CALU: variants seen among roughly 807,000 people sequenced by gnomAD.
CALU encodes IEF SSP 9302.
A neutral mutation model predicts 37.5 loss-of-function variants in CALU; 13 were observed. That is an observed-to-expected ratio of 0.35 (90% CI 0.23 to 0.55). The LOEUF (loss-of-function observed/expected upper bound fraction) is 0.55. Ranked by LOEUF, CALU falls within the 20% of genes least tolerant of loss-of-function variation. The pLI is 0.89. For missense variants in CALU, 282 were observed against 391.7 expected, an observed-to-expected ratio of 0.72 and a Z score of 2.36; for synonymous variants, 114 against 133.8, an observed-to-expected ratio of 0.85 and a Z score of 1.02.
chr7:128,761,764 C>A (rs541539635), intron 5 of CALU, among the ~76,000 whole-genome samples: 6 of 152,082 alleles, frequency 3.9e-5, no homozygotes, highest in Non-Finnish European at 7.4e-5. Context: ...CAGATAAGCC[C>A]GTTTGTTTTT....
Position 128,748,659 on chromosome 7 carries a change from G to A in CALU, c.76G>A (p.Asp26Asn), listed in dbSNP as rs1238329939. Reference protein sequence around the residue: ...FALSKPTEKKDRVHHEPQLSD... With the variant: ...FALSKPTEKKNRVHHEPQLSD... ...CTTGAGCAAACCCACAGAAAAGAAG[G>A]ACCGTGTACATCATGAGCCTCAGCT... Residue 26 changes from aspartate to asparagine, a missense_variant, in exon 2 of 7, where the codon GAC becomes AAC. Coordinates refer to ENST00000249364, the MANE Select transcript of CALU (RefSeq NM_001219.5). The A allele has an allele frequency of 6.2e-7, 1 of 1,614,166 alleles. No homozygotes were observed. The highest frequency in any genetic ancestry group is 1.7e-5 in the Admixed American group (1 of 60,026).
rs546464170 is a variant in CALU, at chr7:128,755,325, A to T, written c.415+870A>T. Among the ~76,000 whole-genome samples the T allele has an allele frequency of 4.3e-3, 639 of 150,310 alleles. 10 individuals are homozygous for T. Among genetic ancestry groups the T allele is most frequent in the Non-Finnish European group, 5.7e-3 (384 of 67,374 alleles). On this transcript the variant is annotated intron_variant, in intron 3 of 6. Coordinates refer to ENST00000249364, the MANE Select transcript of CALU (RefSeq NM_001219.5). ...AGCTCTGTCCAAAAAAAAAAAAAAA[A>T]AAAAAAAAGAGGCTATGAGGCTACA...
At chr7:128,762,513 C>G (rs1801160023) in intron 5 of CALU, among the ~76,000 whole-genome samples, 1 of 150,246 alleles carries the variant, frequency 6.7e-6, no homozygotes. Flanking sequence ...AAACAAAGTT[C>G]TTCGCCTCAT....
chr7:128,748,365 C>T, intron 1 of CALU: 1 of 1,501,878 alleles, frequency 6.7e-7, no homozygotes, highest in Non-Finnish European at 8.9e-7. Context: ...ATGAAGGAAA[C>T]TGGTAAAAAT....
intron 3 of CALU, among the ~76,000 whole-genome samples, chr7:128,755,045 C>T (rs114953292): frequency 6.6e-6 from 1 of 151,156 alleles, no homozygotes. Flanking sequence ...GCCGATAGCT[C>T]ACGCCTATAA....
chr7:128,745,395 G>A (rs992885265), intron 1 of CALU, among the ~76,000 whole-genome samples: 1 of 152,144 alleles, frequency 6.6e-6, no homozygotes, highest in Non-Finnish European at 1.5e-5. Context: ...CAGGGCTGGA[G>A]GATCGCTTGA....
intron 5 of CALU, among the ~76,000 whole-genome samples, chr7:128,760,362 A>G (rs1398209831): frequency 6.6e-6 from 1 of 152,246 alleles, no homozygotes; most frequent in African/African-American, 2.4e-5. Context: ...TATAAATGTG[A>G]GCCCCATATG....
At chr7:128,751,324 A>G (rs1247327942) in intron 2 of CALU, among the ~76,000 whole-genome samples, 13 of 151,964 alleles carry the variant, frequency 8.6e-5, no homozygotes, top group African/African-American at 2.4e-5. Context: ...TATATTTACT[A>G]TAGAAGTGAA....
rs1332427882 is a variant in CALU at position 128,772,258 on chromosome 7, A to G, written c.*3091A>G. ...ATTCCTTTTTGGTTGCCTTGTATGT[A>G]GAAATCAGTTCTCCAAGTGCTGTGA... On this transcript the variant is annotated 3_prime_UTR_variant, in exon 7 of 7. Transcript: ENST00000249364. 3.9e-5 allele frequency among the ~76,000 whole-genome samples: 6 copies of G among 152,116 alleles called. No individual in the cohort carries two copies. Among genetic ancestry groups the G allele is most frequent in the African/African-American group, 1.2e-4 (5 of 41,430 alleles).
chr7:128,766,364 G>A (rs1481487540), intron 5 of CALU, among the ~76,000 whole-genome samples: 4 of 149,650 alleles, frequency 2.7e-5, no homozygotes, highest in East Asian at 2.0e-4. Flanking sequence ...ACATGCAAAC[G>A]AATTTATTCA....
chr7:128,759,679 A>G, intron 4 of CALU, 113 bp from the exon 5 acceptor site: 1 of 671,068 alleles, frequency 1.5e-6, no homozygotes, highest in Non-Finnish European at 2.7e-6. Flanking sequence ...ACATACATAC[A>G]TGTACAAGTG....
At chr7:128,762,654 C>T (rs1313493544) in intron 5 of CALU, among the ~76,000 whole-genome samples, 1 of 151,530 alleles carries the variant, frequency 6.6e-6, no homozygotes, top group Non-Finnish European at 1.5e-5. Context: ...CAGACGTACA[C>T]AACTTATTTG....
intron 3 of CALU, 169 bp downstream of exon 3, chr7:128,754,624 A>G: frequency 6.4e-7 from 1 of 1,551,954 alleles, no homozygotes. Context: ...AAATACATAT[A>G]TGACAATGTT....
rs766786549 is a variant in CALU, at chr7:128,770,764, G to A, written c.*1597G>A. 1 of 152,448 alleles carries A rather than the reference G, an allele frequency of 6.6e-6. No individual in the cohort carries two copies. The highest frequency in any genetic ancestry group is 6.6e-5 in the Admixed American group (1 of 15,250). The allele number at this position is 152,448 out of a possible 1,614,324, so 9.4% of individuals were successfully genotyped here. Reference sequence around the variant, plus strand: ...GATGGACCTCTTGAGAAGAATTATCGTATTCCACGTTTTTAGCCCTCAGGT... The same window carrying A: ...GATGGACCTCTTGAGAAGAATTATCATATTCCACGTTTTTAGCCCTCAGGT... On this transcript the variant is annotated 3_prime_UTR_variant, in exon 7 of 7. Transcript: ENST00000249364.
intron 3 of CALU, among the ~76,000 whole-genome samples, chr7:128,755,340 A>G (rs1309597359): frequency 1.3e-5 from 2 of 148,468 alleles, no homozygotes; most frequent in East Asian, 2.0e-4. Context: ...AAAAGAGGCT[A>G]TGAGGCTACA....
chr7:128,762,244 A>G (rs1801146337), intron 5 of CALU, among the ~76,000 whole-genome samples: 1 of 151,930 alleles, frequency 6.6e-6, no homozygotes, highest in Non-Finnish European at 1.5e-5. Context: ...ATAACTGTTA[A>G]CTACATCACT....
Position 128,754,319 on chromosome 7 carries a change from C to G in CALU, c.279C>G (p.Leu93=), listed in dbSNP as rs749313719. Residue 93 remains leucine (L), a synonymous_variant, in exon 3 of 7, where the codon CTC becomes CTG. Coordinates refer to ENST00000249364, the MANE Select transcript of CALU (RefSeq NM_001219.5). The part of the protein sequence containing the change: ...DKDGFVTVDE[L]KDWIKFAQKR... Reference sequence around the variant, plus strand: ...ACGGGTTTGTCACTGTGGATGAGCTCAAAGACTGGATTAAATTTGCACAAA... The same window carrying G: ...ACGGGTTTGTCACTGTGGATGAGCTGAAAGACTGGATTAAATTTGCACAAA... 1.2e-6 allele frequency: 2 copies of G among 1,614,048 alleles called. No individual in the cohort carries two copies. The highest frequency in any genetic ancestry group is 2.2e-5 in the South Asian group (2 of 91,078).
rs546636253 is a variant in CALU, at chr7:128,771,336, C to T, written c.*2169C>T. The T allele has an allele frequency of 3.9e-5, 6 of 152,724 alleles. No homozygotes were observed. The South Asian group carries it at 1.0e-3, about 26-fold the overall frequency. The allele number at this position is 152,724 out of a possible 1,614,324, so 9.5% of individuals were successfully genotyped here. ...CTGAGGCTGGTGAACAGTAGCTACA[C>T]ACCCATATTGTGTGTTCTGTGAATG... On this transcript the variant is annotated 3_prime_UTR_variant, in exon 7 of 7. Coordinates refer to ENST00000249364, the MANE Select transcript of CALU (RefSeq NM_001219.5).
chr7:128,759,091 A>T, intron 4 of CALU, 54 bp downstream of exon 4: 4 of 1,434,804 alleles, frequency 2.8e-6, no homozygotes, highest in Non-Finnish European at 2.9e-6. Context: ...TTTGTGGCTT[A>T]TTCTGTCTTT....
Sources: allele counts gnomAD v4.1 joint callset (sites outside exome capture counted in the v4.1 genomes callset), GRCh38; gene constraint gnomAD v4.1.1; transcripts MANE v1.5; gene names NCBI Gene and HGNC (gene_info 2026-07-23, HGNC 2026-07-21).